The following TARS1 variants were observed in gnomAD, a reference collection of about 807,000 sequenced individuals.
TARS1 encodes the protein threonyl-tRNA synthetase 1, also known as threonine--tRNA ligase 1, cytoplasmic.
In TARS1, 57 loss-of-function variants were observed where a neutral mutation model predicts 97.7. The ratio of observed to expected loss-of-function variants is 0.58; its 90% CI spans 0.47 to 0.73. The LOEUF (loss-of-function observed/expected upper bound fraction) is 0.73, where lower values mean the gene tolerates loss of function less well. TARS1 is among the 30% of genes least tolerant of loss of function. The probability of loss-of-function intolerance (pLI) is 0.00; values close to 1 mark genes in which losing one functional copy is unlikely to be tolerated. For missense variants in TARS1, 806 were observed against 888.3 expected (o/e 0.91, Z 1.18); for synonymous variants, 312 against 293.7 (o/e 1.06, Z -0.64).
chr5:33,457,526 C>A, intron 9 of TARS1, 123 bp downstream of exon 9: 1 of 1,029,028 alleles, frequency 9.7e-7, no homozygotes, highest in Non-Finnish European at 1.4e-6. Context: ...TTTTTAGTAA[C>A]TGGTGCTATG....
chr5:33,463,852 C>T (rs1398173077), intron 17 of TARS1, 27 bp downstream of exon 17: 1 of 1,581,938 alleles, frequency 6.3e-7, no homozygotes, highest in South Asian at 1.1e-5. Context: ...AATTTTCTTT[C>T]AATTTAACAT....
rs770896386 is a variant in TARS1 at position 33,461,909 on chromosome 5, G to A, written c.1633G>A (p.Asp545Asn). 3 of 1,613,326 alleles carry A rather than the reference G, an allele frequency of 1.9e-6. No homozygotes were observed. The highest frequency in any genetic ancestry group is 3.3e-5 in the Admixed American group (2 of 60,006). ...GDGAFYGPKI[D>N]IQIKDAIGRY... ...TAACCCAGTCTTTGCTTCTTAGATT[G>A]ACATACAGATTAAAGATGCGATTGG... The change falls in exon 15 of 19, where the codon GAC becomes AAC. Residue 545 changes from aspartate to asparagine, a missense_variant. Transcript: ENST00000265112.
At position 33,466,985 on chromosome 5, in the gene TARS1, GGTAA is replaced by G. The variant is rs758728364; in HGVS notation, c.2023+2_2023+5del. 2 of 1,541,528 alleles carry G rather than the reference GGTAA, an allele frequency of 1.3e-6. No individual in the cohort carries two copies. The highest frequency in any genetic ancestry group is 2.8e-5 in the African/African-American group (2 of 71,678). ...GTTAGCACAGTATAACTTCATTTTAGGTAAGAATGGAAACTTACCAAAGAAAATT... is the reference window on the plus strand; with the variant it reads ...GTTAGCACAGTATAACTTCATTTTAGGAATGGAAACTTACCAAAGAAAATT... On this transcript the variant is annotated splice_donor_variant and splice_donor_region_variant and intron_variant, in intron 18 of 18. Coordinates refer to ENST00000265112, the MANE Select transcript of TARS1 (RefSeq NM_152295.5). LOFTEE classifies it high-confidence loss of function.
At chr5:33,463,906 T>G (rs563890073) in intron 17 of TARS1, 81 bp downstream of exon 17, 1 of 1,199,448 alleles carries the variant, frequency 8.3e-7, no homozygotes, top group East Asian at 2.5e-5. Flanking sequence ...GTATTCTTGG[T>G]GAATCGAGCT....
rs765111664 is a variant in TARS1, at chr5:33,462,113, A to G, written c.1745A>G (p.Asp582Gly). 1.9e-6 allele frequency: 3 copies of G among 1,612,130 alleles called. No homozygotes were observed. The highest frequency in any genetic ancestry group is 1.7e-6 in the Non-Finnish European group (2 of 1,179,504). The change falls in exon 16 of 19, where the codon GAT becomes GGT. Residue 582 changes from aspartate to glycine, a missense_variant. Coordinates refer to ENST00000265112, the MANE Select transcript of TARS1 (RefSeq NM_152295.5). ...TTTCTTTATAGCCATGATGGTGATG[A>G]TAAGAAAAGGCCAGTGATTGTTCAT... ...NLTYVSHDGD[D>G]KKRPVIVHRA...
intron 16 of TARS1, among the ~76,000 whole-genome samples, chr5:33,463,194 C>A (rs537415442): frequency 7.2e-5 from 11 of 152,170 alleles, no homozygotes; most frequent in Non-Finnish European, 1.5e-4. Flanking sequence ...TTTGCAGCAT[C>A]AGAAGCATTT....
chr5:33,466,053 A>G (rs1742514692), intron 17 of TARS1: 1 of 152,208 alleles, frequency 6.6e-6, no homozygotes, highest in African/African-American at 2.4e-5. Flanking sequence ...CTGCTAGTAG[A>G]CAGTGTAACT....
In TARS1 at chr5:33,457,331, T is replaced by C. The variant is rs2111560396; in HGVS notation, c.912T>C (p.Asp304=). The change falls in exon 9 of 19, where the codon GAT becomes GAC. Residue 304 remains aspartate, a synonymous_variant. Transcript: ENST00000265112. ...LQRIYGISFP[D]PKMLKEWEKF... is the part of the protein sequence containing the mutation. ...GAATTTATGGCATTTCATTCCCAGA[T>C]CCTAAAATGTTGAAAGAGTGGGAGA... The C allele has an allele frequency of 6.2e-7, 1 of 1,614,150 alleles. No individual in the cohort carries two copies. The highest frequency in any genetic ancestry group is 1.1e-5 in the South Asian group (1 of 91,084).
upstream of TARS1, chr5:33,440,813 T>C (rs1430033823): frequency 3.7e-6 from 2 of 538,702 alleles, no homozygotes; most frequent in Non-Finnish European, 6.6e-6. Context: ...CTGCAGTTGC[T>C]CCTCCTCACC....
intron 1 of TARS1, among the ~76,000 whole-genome samples, chr5:33,443,859 C>A (rs558878540): frequency 6.6e-6 from 1 of 152,222 alleles, no homozygotes; most frequent in South Asian, 2.1e-4. Flanking sequence ...AACAAAGGCT[C>A]TATTGAATCT....
rs926125570 is a variant in TARS1 at position 33,468,011 on chromosome 5, A to T, written c.*303A>T. The T allele has an allele frequency of 8.3e-6, 2 of 241,218 alleles. No homozygotes were observed. The highest frequency in any genetic ancestry group is 4.5e-5 in the African/African-American group (2 of 44,460). 14.9% of individuals were successfully genotyped at this position (241,218 alleles called of 1,614,324 possible). ...AGAACTTTTTTGTAAATTTAATGCA[A>T]TTGAAAAAGTTTTCAAATTCAATTA... On this transcript the variant is annotated 3_prime_UTR_variant, in exon 19 of 19. Transcript: ENST00000265112.
At chr5:33,441,407 A>G in intron 1 of TARS1, 1 of 483,018 alleles carries the variant, frequency 2.1e-6, no homozygotes, top group Non-Finnish European at 3.8e-6. Flanking sequence ...CGACTTGTTC[A>G]GAGCCTCACA....
chr5:33,461,821 A>G (rs377595697), intron 14 of TARS1, 77 bp downstream of exon 14: 1 of 1,593,712 alleles, frequency 6.3e-7, no homozygotes, highest in East Asian at 2.2e-5. Flanking sequence ...AAAAGTTGGA[A>G]AAAAGAAAAT....
At chr5:33,462,908 G>T (rs752070713) in intron 16 of TARS1, among the ~76,000 whole-genome samples, 2 of 152,194 alleles carry the variant, frequency 1.3e-5, no homozygotes, top group Non-Finnish European at 2.9e-5. Context: ...AGTTTTATTT[G>T]AACTTGGTTA....
chr5:33,455,839 T>A (rs1579585162), intron 6 of TARS1, 135 bp downstream of exon 6: 4 of 611,416 alleles, frequency 6.5e-6, no homozygotes, highest in Non-Finnish European at 7.1e-6. Context: ...GTTTTTATTA[T>A]TTTTTTAATT....
At position 33,443,480 on chromosome 5, in the gene TARS1, T is replaced by C. The variant is rs199580780; in HGVS notation, c.58-1844T>C. 1.6e-4 allele frequency among the ~76,000 whole-genome samples: 23 copies of C among 147,106 alleles called. No homozygotes were observed. The East Asian group carries it at 4.5e-3, about 29-fold the overall frequency. ...CAGACCTGCAATTTTTCTTTCTTTT[T>C]TTTTTTTTTTTTGTTGTCGTTGTTG... On this transcript the variant is annotated intron_variant, in intron 1 of 18. Transcript: ENST00000265112.
intron 1 of TARS1, among the ~76,000 whole-genome samples, chr5:33,443,747 G>A (rs1741269171): frequency 6.6e-6 from 1 of 151,858 alleles, no homozygotes; most frequent in Non-Finnish European, 1.5e-5. Flanking sequence ...TGCCCGCCTC[G>A]GCCTCCCAAA....
chr5:33,455,017 G>A lies in TARS1; in HGVS notation c.526G>A (p.Gly176Ser), dbSNP rs746827184. ...AGTCTATGGTGGATGTTTATGCTACGGTCCGCCAATAGAAAATGGATTCTA... is the reference window on the plus strand; with the variant it reads ...AGTCTATGGTGGATGTTTATGCTACAGTCCGCCAATAGAAAATGGATTCTA... ...ERVYGGCLCY[G>S]PPIENGFYYD... The change falls in exon 5 of 19, where the codon GGT becomes AGT. Residue 176 changes from glycine (G) to serine (S), a missense_variant. Physicochemically the swap from Gly to Ser is moderately conservative, Grantham distance 56. Coordinates refer to ENST00000265112, the MANE Select transcript of TARS1 (RefSeq NM_152295.5). The A allele has an allele frequency of 1.9e-6, 3 of 1,613,674 alleles. No homozygotes were observed. Among genetic ancestry groups the A allele is most frequent in the Non-Finnish European group, 2.5e-6 (3 of 1,179,858 alleles).
Position 33,443,306 on chromosome 5 carries a change from C to CT in TARS1, c.58-2018_58-2017insT, listed in dbSNP as rs1561066108. Among the ~76,000 whole-genome samples the CT allele has an allele frequency of 1.9e-3, 165 of 85,554 alleles. 1 individual carries two copies. Among genetic ancestry groups the CT allele is most frequent in the South Asian group, 0.011 (27 of 2,412 alleles). The allele number at this position is 85,554 out of a possible 152,430, so 56.1% of individuals were successfully genotyped here. ...AACCAGAAAACCTTTGTGGTGATTC[C>CT]CTCTCTCTCTCTCCCTCTCTCTCTC... On this transcript the variant is annotated intron_variant, in intron 1 of 18. Coordinates refer to ENST00000265112, the MANE Select transcript of TARS1 (RefSeq NM_152295.5).
Sources: allele counts gnomAD v4.1 joint callset (sites outside exome capture counted in the v4.1 genomes callset), GRCh38; gene constraint gnomAD v4.1.1; transcripts MANE v1.5; gene names NCBI Gene and HGNC (gene_info 2026-07-23, HGNC 2026-07-21).